The following CDH4 variants were observed in gnomAD, a reference collection of about 807,000 sequenced individuals.
CDH4 encodes the protein cadherin-4.
A neutral mutation model predicts 86.0 loss-of-function variants in CDH4; 33 were observed. The observed-to-expected ratio is 0.38, with a 90% CI of 0.29 to 0.51. The LOEUF (loss-of-function observed/expected upper bound fraction) is 0.51, where lower values mean the gene tolerates loss of function less well. CDH4 is among the 20% of genes least tolerant of loss of function. The probability of loss-of-function intolerance (pLI) is 0.86; values close to 1 mark genes in which losing one functional copy is unlikely to be tolerated. For synonymous variants in CDH4, 555 were observed against 549.4 expected (o/e 1.01, Z -0.14); for missense variants, 1,114 against 1,307.4 (o/e 0.85, Z 2.28).
intron 2 of CDH4, among the ~76,000 whole-genome samples, chr20:61,740,021 C>T (rs2088314317): frequency 6.6e-6 from 1 of 152,078 alleles, no homozygotes; most frequent in East Asian, 1.9e-4. Context: ...TGTTGTCCTC[C>T]TGGAATGCAT....
intron 2 of CDH4, among the ~76,000 whole-genome samples, chr20:61,257,729 G>C (rs1420768345): frequency 6.6e-6 from 1 of 152,204 alleles, no homozygotes; most frequent in African/African-American, 2.4e-5. Context: ...TGGCTAAGCT[G>C]GTATCTTTTT....
chr20:61,621,490 A>G (rs2086776771), intron 2 of CDH4, among the ~76,000 whole-genome samples: 1 of 152,250 alleles, frequency 6.6e-6, no homozygotes, highest in Admixed American at 6.5e-5. Flanking sequence ...TAATTTGCCT[A>G]AAATACCATG....
chr20:61,306,543 G>T (rs930313870), intron 2 of CDH4, among the ~76,000 whole-genome samples: 1 of 152,002 alleles, frequency 6.6e-6, no homozygotes, highest in South Asian at 2.1e-4. Context: ...TACCATCTTG[G>T]CCAGGCTGGT....
Position 61,934,109 on chromosome 20 carries a change from C to A in CDH4, c.2433C>A (p.Ser811Arg), listed in dbSNP as rs769337493. ...QQPEAMGHVP[S>R]KAPGVRRVDE... The stretch of plus-strand genomic sequence containing the variant: ...CGGAAGCCATGGGGCACGTGCCAAG[C>A]AAAGCCCCTGGCGTGCGTCGCGTGG... The change falls in exon 15 of 16, where the codon AGC (serine) becomes AGA (arginine). Residue 811 changes from serine (S) to arginine (R), a missense_variant. By Grantham distance (110) the Ser-to-Arg change is moderately radical. Transcript: ENST00000614565. 2 of 1,611,538 alleles carry A rather than the reference C, an allele frequency of 1.2e-6. No individual in the cohort carries two copies. The highest frequency in any genetic ancestry group is 1.7e-5 in the Admixed American group (1 of 59,986).
chr20:61,290,459 A>G (rs367864082), intron 2 of CDH4, among the ~76,000 whole-genome samples: 343 of 91,630 alleles, frequency 3.7e-3, no homozygotes, highest in African/African-American at 0.011. Context: ...GACTTGCTGG[A>G]TTTATCCCCG....
At chr20:61,561,012 C>A (rs1416997839) in intron 2 of CDH4, among the ~76,000 whole-genome samples, 2 of 152,134 alleles carry the variant, frequency 1.3e-5, no homozygotes, top group African/African-American at 4.8e-5. Context: ...GGTGATCAGG[C>A]CATTGATTAT....
At chr20:61,756,686 G>A (rs1476972169) in intron 3 of CDH4, among the ~76,000 whole-genome samples, 1 of 152,050 alleles carries the variant, frequency 6.6e-6, no homozygotes, top group Non-Finnish European at 1.5e-5. Context: ...TTGCAGGGAA[G>A]CATCCACAGA....
At chr20:61,336,888 T>TC (rs1416342529) in intron 2 of CDH4, among the ~76,000 whole-genome samples, 1 of 152,066 alleles carries the variant, frequency 6.6e-6, no homozygotes, top group Non-Finnish European at 1.5e-5. Context: ...CATCCCAGTC[T>TC]CTCTCAGGGG....
chr20:61,567,799 C>G (rs574196669), intron 2 of CDH4, among the ~76,000 whole-genome samples: 1 of 152,124 alleles, frequency 6.6e-6, no homozygotes, highest in African/African-American at 2.4e-5. Context: ...CTGGGCAACA[C>G]GGCAAAACCC....
intron 2 of CDH4, among the ~76,000 whole-genome samples, chr20:61,344,460 AT>A (rs1177140468): frequency 6.6e-6 from 1 of 152,244 alleles, no homozygotes. Context: ...ACAGATATAA[AT>A]TATGGTTGTT....
chr20:61,274,422 C>T (rs1230525543), intron 2 of CDH4, among the ~76,000 whole-genome samples: 26 of 61,758 alleles, frequency 4.2e-4, no homozygotes, highest in South Asian at 6.1e-4. Flanking sequence ...GGGGGAGTAC[C>T]ATGTGCAGTT....
intron 4 of CDH4, among the ~76,000 whole-genome samples, chr20:61,774,302 G>C (rs761714021): frequency 5.9e-5 from 9 of 152,190 alleles, no homozygotes; most frequent in Non-Finnish European, 1.3e-4. Context: ...AGCCACCAGG[G>C]GTTGGAACCC....
chr20:61,830,485 C>CG (rs1981547801), intron 4 of CDH4, among the ~76,000 whole-genome samples: 1 of 152,106 alleles, frequency 6.6e-6, no homozygotes, highest in African/African-American at 2.4e-5. Context: ...TCCCAAGGCC[C>CG]CCCAGGACCT....
At chr20:61,275,848 A>C (rs994866674) in intron 2 of CDH4, among the ~76,000 whole-genome samples, 2 of 152,126 alleles carry the variant, frequency 1.3e-5, no homozygotes, top group African/African-American at 4.8e-5. Context: ...AACATATTGC[A>C]CTGTTAATCT....
At chr20:61,903,016 CAAAAAA>C (rs58490650) in intron 8 of CDH4, among the ~76,000 whole-genome samples, 7 of 83,102 alleles carry the variant, frequency 8.4e-5, no homozygotes, top group Non-Finnish European at 9.7e-5. Flanking sequence ...AAGACTGTCT[CAAAAAA>C]AAAAAAAAAA....
At chr20:61,760,195 T>C (rs1226326616) in intron 3 of CDH4, among the ~76,000 whole-genome samples, 1 of 152,146 alleles carries the variant, frequency 6.6e-6, no homozygotes, top group Non-Finnish European at 1.5e-5. Context: ...GGCTTTGAGA[T>C]CTTCATCCAG....
chr20:61,410,193 T>C (rs553322315), intron 2 of CDH4, among the ~76,000 whole-genome samples: 4 of 152,336 alleles, frequency 2.6e-5, no homozygotes, highest in Admixed American at 2.6e-4. Context: ...AAGAGTAACT[T>C]GTGTTCATCT....
intron 2 of CDH4, among the ~76,000 whole-genome samples, chr20:61,686,363 G>A (rs1307678033): frequency 2.6e-5 from 4 of 152,238 alleles, no homozygotes; most frequent in Admixed American, 2.6e-4. Context: ...GTATGTGCGT[G>A]TGCATTCGCA....
intron 2 of CDH4, among the ~76,000 whole-genome samples, chr20:61,295,350 C>G (rs931680431): frequency 6.6e-6 from 1 of 152,130 alleles, no homozygotes; most frequent in Non-Finnish European, 1.5e-5. Flanking sequence ...GTCCAGCACC[C>G]GAAAGCACAC....
Sources: gnomAD v4.1 joint callset for allele counts (sites outside exome capture counted in the v4.1 genomes callset) on GRCh38, gnomAD v4.1.1 for gene constraint, MANE v1.5 for transcripts, NCBI Gene and HGNC (gene_info 2026-07-23, HGNC 2026-07-21) for gene names.